MAG: variants seen among roughly 807,000 people sequenced by gnomAD.
MAG encodes myelin-associated glycoprotein.
Under a neutral mutation model 60.7 loss-of-function variants are expected in MAG, and 30 were observed. The ratio of observed to expected loss-of-function variants is 0.49; its 90% CI spans 0.37 to 0.67. The LOEUF (loss-of-function observed/expected upper bound fraction) is 0.67. Ranked by LOEUF, MAG falls within the 30% of genes least tolerant of loss-of-function variation. The pLI is 0.00. For missense variants in MAG, 795 were observed against 851.7 expected (o/e 0.93, Z 0.83); for synonymous variants, 384 against 376.8 (o/e 1.02, Z -0.22).
chr19:35,304,469 T>G (rs531947207), intron 7 of MAG, among the ~76,000 whole-genome samples: 1 of 152,312 alleles, frequency 6.6e-6, no homozygotes, highest in Non-Finnish European at 1.5e-5. Context: ...CAAATGCGCG[T>G]TAGGGGCCTG....
At chr19:35,310,238 A>G (rs1332858087) in intron 8 of MAG, 77 bp downstream of exon 8, 8 of 1,497,638 alleles carry the variant, frequency 5.3e-6, no homozygotes, top group Non-Finnish European at 7.2e-6. Flanking sequence ...AAGGCTGACC[A>G]ACAGCCACAG....
chr19:35,296,072 C>A, intron 4 of MAG, 91 bp downstream of exon 4: 1 of 1,488,130 alleles, frequency 6.7e-7, no homozygotes, highest in Non-Finnish European at 8.9e-7. Context: ...CCTTCCCCAG[C>A]AGGCCTGGAT....
Position 35,311,913 on chromosome 19 carries a change from T to C in MAG, c.1617-5T>C, listed in dbSNP as rs775644651. ...GAGAGAGGTCTGACGAGTCCTGCCCTGCAGAAAGAACGTGACAGAGAGCCC... is the reference window on the plus strand; with the variant it reads ...GAGAGAGGTCTGACGAGTCCTGCCCCGCAGAAAGAACGTGACAGAGAGCCC... On this transcript the variant is annotated splice_polypyrimidine_tract_variant and splice_region_variant and intron_variant, in intron 9 of 10. Transcript: ENST00000392213. 3 of 1,609,814 alleles carry C rather than the reference T, an allele frequency of 1.9e-6. No individual in the cohort carries two copies. The South Asian group carries it at 3.3e-5, about 18-fold the overall frequency.
At position 35,310,509 on chromosome 19, in the gene MAG, C is replaced by T. The variant is rs556153832; in HGVS notation, c.1520-38C>T. The T allele has an allele frequency of 2.5e-6, 4 of 1,569,598 alleles. No homozygotes were observed. The Admixed American group carries it at 5.0e-5, about 20-fold the overall frequency. ...GTTCTCAGGTGTCGTCACCACCACC[C>T]ATAGCCCTAAGGGCGCCTGGGTCTT... On this transcript the variant is annotated intron_variant, in intron 8 of 10. Coordinates refer to ENST00000392213, the MANE Select transcript of MAG (RefSeq NM_002361.4).
intron 7 of MAG, among the ~76,000 whole-genome samples, chr19:35,303,745 C>T (rs1568473852): frequency 6.6e-6 from 1 of 152,084 alleles, no homozygotes; most frequent in South Asian, 2.1e-4. Context: ...ACCATTGCAC[C>T]GCTGGCCAGC....
At chr19:35,298,930 C>T (rs938927087) in intron 4 of MAG, among the ~76,000 whole-genome samples, 5 of 151,458 alleles carry the variant, frequency 3.3e-5, no homozygotes, top group South Asian at 2.1e-4. Context: ...ACACAACACA[C>T]ACTGCACACA....
intron 8 of MAG, 116 bp downstream of exon 8, chr19:35,310,277 G>C: frequency 7.5e-7 from 1 of 1,338,550 alleles, no homozygotes; most frequent in Non-Finnish European, 1.0e-6. Flanking sequence ...TGACAGAAAG[G>C]TCAAATTCTC....
Position 35,302,416 on chromosome 19 carries a change from G to A in MAG, c.971-32G>A, listed in dbSNP as rs1276003751. ...GGCTGGCAGAAGAAGCACCTCCTGG[G>A]TTCTGACCATCAGTCCCGTCCTACC... On this transcript the variant is annotated intron_variant, in intron 6 of 10. Coordinates refer to ENST00000392213, the MANE Select transcript of MAG (RefSeq NM_002361.4). 3 of 1,609,938 alleles carry A rather than the reference G, an allele frequency of 1.9e-6. No homozygotes were observed. In the African/African-American group the frequency reaches 4.0e-5, roughly 22 times the overall value.
intron 7 of MAG, among the ~76,000 whole-genome samples, chr19:35,306,995 A>G (rs2066490276): frequency 6.6e-6 from 1 of 152,196 alleles, no homozygotes; most frequent in African/African-American, 2.4e-5. Context: ...CCGCAGCTTC[A>G]CAGGTTGTCT....
chr19:35,301,396 C>T (rs935819738), intron 6 of MAG, among the ~76,000 whole-genome samples: 4 of 150,914 alleles, frequency 2.7e-5, no homozygotes, highest in Admixed American at 1.3e-4. Flanking sequence ...TAATGACAGC[C>T]GCAGCCAACA....
chr19:35,300,506 C>T (rs1195225032), intron 6 of MAG, 102 bp downstream of exon 6: 3 of 1,408,172 alleles, frequency 2.1e-6, no homozygotes, highest in East Asian at 2.5e-5. Flanking sequence ...CCGAGGGGAC[C>T]GGCCATAAAC....
At position 35,313,482 on chromosome 19, in the gene MAG, A is replaced by AC. The variant is rs751982695; in HGVS notation, c.*34dup. On this transcript the variant is annotated 3_prime_UTR_variant, in exon 11 of 11. Coordinates refer to ENST00000392213, the MANE Select transcript of MAG (RefSeq NM_002361.4). ...GAGCTGGGGGCAGCCTGCGTGGCTGACCCCCCTCAGGACCCTCGCTGGCCC... is the reference window on the plus strand; with the variant it reads ...GAGCTGGGGGCAGCCTGCGTGGCTGACCCCCCCTCAGGACCCTCGCTGGCCC... 3 of 1,587,526 alleles carry AC rather than the reference A, an allele frequency of 1.9e-6. No homozygotes were observed. The South Asian group carries it at 3.4e-5, about 18-fold the overall frequency.
Position 35,311,907 on chromosome 19 carries a change from C to G in MAG, c.1617-11C>G, listed in dbSNP as rs1451541783. The G allele has an allele frequency of 7.5e-6, 12 of 1,603,662 alleles. No homozygotes were observed. The highest frequency in any genetic ancestry group is 1.0e-5 in the Non-Finnish European group (12 of 1,172,318). On this transcript the variant is annotated splice_polypyrimidine_tract_variant and intron_variant, in intron 9 of 10. Transcript: ENST00000392213. ...AGGGCAGAGAGAGGTCTGACGAGTC[C>G]TGCCCTGCAGAAAGAACGTGACAGA...
chr19:35,309,691 T>G, intron 7 of MAG, 183 bp from the exon 8 acceptor site: 2 of 647,952 alleles, frequency 3.1e-6, no homozygotes, highest in South Asian at 1.9e-5. Flanking sequence ...GCCGGCGGGG[T>G]CGTAGTGAGG....
At chr19:35,310,694 C>T (rs2066520982) in intron 9 of MAG, 51 bp downstream of exon 9, 1 of 1,551,022 alleles carries the variant, frequency 6.4e-7, no homozygotes, top group East Asian at 2.2e-5. Context: ...AAAAAGGGGA[C>T]CTGGTGGGAG....
rs891126150 is a variant in MAG, at chr19:35,302,740, T to C, written c.1231+32T>C. On this transcript the variant is annotated intron_variant, in intron 7 of 10. Coordinates refer to ENST00000392213, the MANE Select transcript of MAG (RefSeq NM_002361.4). ...ACCTTCCGCTCCCCTATGCTGGGGA[T>C]GGACGGTTCCGTGGGGGACACCAGG... 3 of 1,604,494 alleles carry C rather than the reference T, an allele frequency of 1.9e-6. No homozygotes were observed. The African/African-American group carries it at 4.0e-5, about 21-fold the overall frequency.
rs544971911 is a variant in MAG, at chr19:35,295,834, C to T, written c.268C>T (p.Arg90Cys). The T allele has an allele frequency of 1.9e-6, 3 of 1,613,990 alleles. No individual in the cohort carries two copies. The highest frequency in any genetic ancestry group is 1.7e-6 in the Non-Finnish European group (2 of 1,180,030). ...VVHESFQGRSRLLGDLGLRNC... is the reference protein window; with the variant it reads ...VVHESFQGRSCLLGDLGLRNC... ...CCACGAGAGCTTCCAGGGCCGCAGCCGCCTCCTGGGGGACCTGGGCCTGCG... is the reference window on the plus strand; with the variant it reads ...CCACGAGAGCTTCCAGGGCCGCAGCTGCCTCCTGGGGGACCTGGGCCTGCG... Residue 90 changes from arginine (R) to cysteine (C), a missense_variant, in exon 4 of 11, where the codon CGC becomes TGC. Coordinates refer to ENST00000392213, the MANE Select transcript of MAG (RefSeq NM_002361.4). The surrounding 1 kb of genome is among the most constrained non-coding windows in gnomAD (Gnocchi z 5.8).
In MAG at chr19:35,295,927, C is replaced by T. The variant is rs773896896; in HGVS notation, c.361C>T (p.Leu121=). 6 of 1,613,172 alleles carry T rather than the reference C, an allele frequency of 3.7e-6. No individual in the cohort carries two copies. Among genetic ancestry groups the T allele is most frequent in the Non-Finnish European group, 5.1e-6 (6 of 1,179,704 alleles). Residue 121 remains leucine, a synonymous_variant, in exon 4 of 11, where the codon CTG becomes TTG. Coordinates refer to ENST00000392213, the MANE Select transcript of MAG (RefSeq NM_002361.4). This position sits in a 1 kb window ranked among gnomAD's most constrained non-coding sequence, Gnocchi z 5.8. ...CGGGAAGTACTACTTCCGTGGGGAC[C>T]TGGGCGGCTACAACCAGTACACCTT... is the stretch of plus-strand genomic sequence containing the variant. ...LGGKYYFRGD[L]GGYNQYTFSE...
At chr19:35,306,812 T>C (rs1398444848) in intron 7 of MAG, among the ~76,000 whole-genome samples, 1 of 152,240 alleles carries the variant, frequency 6.6e-6, no homozygotes, top group Non-Finnish European at 1.5e-5. Context: ...TTACTGACTG[T>C]AACCCCCTGG....
Sources: gnomAD v4.1 joint callset for allele counts (sites outside exome capture counted in the v4.1 genomes callset) on GRCh38, gnomAD v4.1.1 for gene constraint, Gnocchi (gnomAD v3.1) non-coding constraint, MANE v1.5 for transcripts, NCBI Gene and HGNC (gene_info 2026-07-23, HGNC 2026-07-21) for gene names.